ANKFY1: variants seen among roughly 807,000 people sequenced by gnomAD.
The protein encoded by ANKFY1 is ankyrin repeat and FYVE domain-containing protein 1.
Under a neutral mutation model 128.3 loss-of-function variants are expected in ANKFY1, and 47 were observed. The ratio of observed to expected loss-of-function variants is 0.37; its 90% CI spans 0.29 to 0.47. ANKFY1 has a LOEUF of 0.47. Ranked by LOEUF, ANKFY1 falls within the 20% of genes least tolerant of loss-of-function variation. ANKFY1 has a pLI of 1.00. For synonymous variants in ANKFY1, 553 were observed against 601.6 expected (o/e 0.92, Z 1.18); for missense variants, 1,222 against 1,510.6 (o/e 0.81, Z 3.17).
At chr17:4,252,330 G>A (rs1967880965) in intron 1 of ANKFY1, among the ~76,000 whole-genome samples, 1 of 152,142 alleles carries the variant, frequency 6.6e-6, no homozygotes, top group South Asian at 2.1e-4. Context: ...AGTTTGGAAG[G>A]CTGAGGCGGG....
intron 3 of ANKFY1, chr17:4,223,846 C>T (rs1207571139): frequency 8.9e-7 from 1 of 1,129,698 alleles, no homozygotes; most frequent in Non-Finnish European, 1.3e-6. Context: ...TCTCGCAATC[C>T]CACAGCATCA....
intron 19 of ANKFY1, 51 bp from the exon 20 acceptor site, chr17:4,174,107 C>T: frequency 4.4e-6 from 7 of 1,598,132 alleles, no homozygotes; most frequent in Non-Finnish European, 5.1e-6. Flanking sequence ...CAATCAAGAT[C>T]CCCCTTATGG....
At chr17:4,184,278 G>A (rs1370193028) in intron 12 of ANKFY1, among the ~76,000 whole-genome samples, 3 of 152,058 alleles carry the variant, frequency 2.0e-5, no homozygotes, top group African/African-American at 7.2e-5. Flanking sequence ...CCAAAAAAAG[G>A]GCACATAGTA....
chr17:4,235,964 T>TA, intron 2 of ANKFY1, 74 bp from the exon 3 acceptor site: 1 of 1,045,894 alleles, frequency 9.6e-7, no homozygotes. Context: ...TCACAGCTGA[T>TA]AAACACATGA....
intron 23 of ANKFY1, among the ~76,000 whole-genome samples, chr17:4,170,194 C>G (rs1011789838): frequency 1.3e-5 from 2 of 152,230 alleles, no homozygotes; most frequent in Non-Finnish European, 2.9e-5. Context: ...CTGCCTGTCT[C>G]TCCCCACTGT....
At chr17:4,179,096 G>C (rs1360412072) in intron 17 of ANKFY1, 39 bp from the exon 18 acceptor site, 1 of 1,599,124 alleles carries the variant, frequency 6.3e-7, no homozygotes, top group Non-Finnish European at 8.6e-7. Context: ...TCAATTGCAA[G>C]ATAAAACTCA....
In ANKFY1 at chr17:4,169,299, G is replaced by C. The variant is rs1312177037; in HGVS notation, c.3287-11C>G. On this transcript the variant is annotated splice_polypyrimidine_tract_variant and intron_variant, in intron 23 of 24. Transcript: ENST00000341657. The surrounding 1 kb of genome is among the most constrained non-coding windows in gnomAD (Gnocchi z 5.0). Reference sequence around the variant, plus strand: ...CCTTGGACAGCATATCTGCAACACAGGGGGGAGGCCCGGTCCCGTCAAACC... The same window carrying C: ...CCTTGGACAGCATATCTGCAACACACGGGGGAGGCCCGGTCCCGTCAAACC... The C allele has an allele frequency of 2.6e-6, 4 of 1,540,136 alleles. No individual in the cohort carries two copies. Among genetic ancestry groups the C allele is most frequent in the Admixed American group, 2.0e-5 (1 of 50,880 alleles).
At chr17:4,255,462 C>G (rs1010539784) in intron 1 of ANKFY1, among the ~76,000 whole-genome samples, 12 of 152,136 alleles carry the variant, frequency 7.9e-5, no homozygotes, top group African/African-American at 2.9e-4. Context: ...GTTGGCCAGG[C>G]TGGTCTTGAA....
intron 7 of ANKFY1, among the ~76,000 whole-genome samples, chr17:4,205,114 G>A (rs755379260): frequency 2.0e-5 from 3 of 152,148 alleles, no homozygotes; most frequent in Non-Finnish European, 4.4e-5. Flanking sequence ...GTATAACAAT[G>A]CATCATCAAA....
chr17:4,223,085 T>TA (rs1185561797), intron 3 of ANKFY1: 1 of 728,014 alleles, frequency 1.4e-6, no homozygotes, highest in Non-Finnish European at 2.5e-6. Context: ...TTTTAATAGA[T>TA]AAAAAAGATC....
intron 11 of ANKFY1, among the ~76,000 whole-genome samples, chr17:4,185,850 C>T (rs994825444): frequency 7.2e-5 from 11 of 152,158 alleles, no homozygotes; most frequent in Non-Finnish European, 1.2e-4. Context: ...GCGCAGCCCC[C>T]GCCCGGACCT....
At chr17:4,199,001 C>CA (rs201125353) in intron 7 of ANKFY1, among the ~76,000 whole-genome samples, 21 of 151,254 alleles carry the variant, frequency 1.4e-4, no homozygotes, top group Middle Eastern at 6.8e-3. Context: ...CCCATCTCTA[C>CA]AAAAAAAAAC....
chr17:4,179,204 A>C (rs1238662498), intron 17 of ANKFY1, 147 bp from the exon 18 acceptor site: 1 of 843,354 alleles, frequency 1.2e-6, no homozygotes, highest in Non-Finnish European at 1.9e-6. Context: ...TGAAGAGGCC[A>C]AAGAGAAATG....
In ANKFY1 at chr17:4,182,204, G is replaced by T. The variant is rs778062501; in HGVS notation, c.2098C>A (p.Leu700Met). ...PPLWLALANN[L>M]EDIASTLVRH... The stretch of plus-strand genomic sequence containing the variant: ...ACCAGAGTGGATGCGATGTCCTCCA[G>T]ATTGTTTGCCAATGCAAGCCACAGC... The change falls in exon 15 of 25, where the codon CTG becomes ATG. Residue 700 changes from leucine (L) to methionine (M), a missense_variant. Transcript: ENST00000341657. The T allele has an allele frequency of 1.3e-5, 21 of 1,565,578 alleles. No homozygotes were observed. The highest frequency in any genetic ancestry group is 1.7e-4 in the Middle Eastern group (1 of 5,950).
intron 7 of ANKFY1, among the ~76,000 whole-genome samples, chr17:4,198,860 A>G (rs1017412432): frequency 6.6e-5 from 10 of 152,158 alleles, no homozygotes; most frequent in African/African-American, 2.2e-4. Context: ...AGTATTACAG[A>G]TAAGAGTCTA....
intron 20 of ANKFY1, 42 bp downstream of exon 20, chr17:4,173,867 T>A (rs898842075): frequency 6.3e-7 from 1 of 1,590,202 alleles, no homozygotes; most frequent in East Asian, 2.2e-5. Context: ...ACCCCTAGAA[T>A]GGAGGGATCG....
intron 5 of ANKFY1, among the ~76,000 whole-genome samples, chr17:4,208,721 A>C (rs1023008759): frequency 6.6e-6 from 1 of 152,048 alleles, no homozygotes; most frequent in Admixed American, 6.5e-5. Context: ...AAAAGGTAGC[A>C]CCAGCCCTAA....
At chr17:4,255,780 T>C (rs1968081262) in intron 1 of ANKFY1, among the ~76,000 whole-genome samples, 1 of 152,042 alleles carries the variant, frequency 6.6e-6, no homozygotes, top group Non-Finnish European at 1.5e-5. Context: ...TTAGAAAAGC[T>C]CTTCACTGGT....
In ANKFY1 at chr17:4,178,858, T is replaced by C. The variant is rs1248735681; in HGVS notation, c.2597A>G (p.Gln866Arg). ...GAAGGTCAGGTGTTATTCACTCACC[T>C]GCTCAGCAGCCCCGGACTCTCGTTT... Reference protein sequence around the residue: ...ILKRESGAAEQVDNKGRNFLH... With the variant: ...ILKRESGAAERVDNKGRNFLH... Residue 866 changes from glutamine (Q) to arginine (R), a missense_variant and splice_region_variant, in exon 18 of 25, where the codon CAG (glutamine) becomes CGG (arginine). Coordinates refer to ENST00000341657, the MANE Select transcript of ANKFY1 (RefSeq NM_001330063.2). The surrounding 1 kb of genome is among the most constrained non-coding windows in gnomAD (Gnocchi z 4.1). 2 of 1,614,186 alleles carry C rather than the reference T, an allele frequency of 1.2e-6. No homozygotes were observed. The highest frequency in any genetic ancestry group is 1.7e-6 in the Non-Finnish European group (2 of 1,180,024).
Sources: gnomAD v4.1 joint callset for allele counts (sites outside exome capture counted in the v4.1 genomes callset) on GRCh38, gnomAD v4.1.1 for gene constraint, Gnocchi (gnomAD v3.1) non-coding constraint, MANE v1.5 for transcripts, NCBI Gene and HGNC (gene_info 2026-07-23, HGNC 2026-07-21) for gene names.